Variants in RBFOX2 observed in about 807,000 individuals in gnomAD.
The protein encoded by RBFOX2 is RNA binding protein fox-1 homolog 2.
RBFOX2 carries 10 observed loss-of-function variants against 49.1 expected under a neutral mutation model. The ratio of observed to expected loss-of-function variants is 0.20; its 90% CI spans 0.13 to 0.35. RBFOX2 has a LOEUF of 0.35. Ranked by LOEUF, RBFOX2 falls within the 10% of genes least tolerant of loss-of-function variation. The pLI, the probability that RBFOX2 is intolerant of heterozygous loss-of-function variation, is 1.00. For missense variants in RBFOX2, 323 were observed against 486.9 expected (o/e 0.66, Z 3.17); for synonymous variants, 183 against 187.4 (o/e 0.98, Z 0.19).
At chr22:35,859,167 T>TA (rs2042854107) in intron 1 of RBFOX2, among the ~76,000 whole-genome samples, 1 of 152,142 alleles carries the variant, frequency 6.6e-6, no homozygotes. Flanking sequence ...ATTGCTACTA[T>TA]AGCCACCACC....
At chr22:35,885,843 A>ATT (rs538674450) in intron 1 of RBFOX2, among the ~76,000 whole-genome samples, 2,287 of 83,218 alleles carry the variant, frequency 0.027, 342 homozygotes, top group East Asian at 0.058. Context: ...CCCAAACCTA[A>ATT]TTTTTTTTTT....
At chr22:35,955,976 C>T (rs2055506879) in intron 1 of RBFOX2, among the ~76,000 whole-genome samples, 1 of 152,140 alleles carries the variant, frequency 6.6e-6, no homozygotes, top group South Asian at 2.1e-4. Context: ...AATACTGTAC[C>T]AAAGGTTAGT....
chr22:35,891,029 T>C (rs746705840), intron 1 of RBFOX2, among the ~76,000 whole-genome samples: 2 of 152,188 alleles, frequency 1.3e-5, no homozygotes, highest in Non-Finnish European at 2.9e-5. Context: ...CACTTATGTA[T>C]GTTAATTGAA....
At chr22:35,881,509 G>T (rs987984385) in intron 1 of RBFOX2, among the ~76,000 whole-genome samples, 1 of 151,052 alleles carries the variant, frequency 6.6e-6, no homozygotes, top group Non-Finnish European at 1.5e-5. Flanking sequence ...TTGAATCCAG[G>T]AGATTGAGAC....
intron 1 of RBFOX2, among the ~76,000 whole-genome samples, chr22:35,988,824 A>G (rs556862248): frequency 1.3e-4 from 20 of 152,352 alleles, no homozygotes; most frequent in African/African-American, 4.6e-4. Flanking sequence ...AAGAGGCTAT[A>G]ACAGTAGCTT....
chr22:35,769,380 A>C (rs1941995591), intron 4 of RBFOX2, among the ~76,000 whole-genome samples: 1 of 152,130 alleles, frequency 6.6e-6, no homozygotes, highest in South Asian at 2.1e-4. Flanking sequence ...TAAGTAGACA[A>C]ATCAGGAGAC....
At chr22:35,815,996 A>AT (rs1325176043) in intron 1 of RBFOX2, among the ~76,000 whole-genome samples, 7 of 152,338 alleles carry the variant, frequency 4.6e-5, no homozygotes, top group African/African-American at 1.7e-4. Context: ...CAAGAGGAAA[A>AT]TAACAGCTAT....
At chr22:35,977,260 A>G (rs566652459) in intron 1 of RBFOX2, among the ~76,000 whole-genome samples, 1 of 152,258 alleles carries the variant, frequency 6.6e-6, no homozygotes, top group South Asian at 2.1e-4. Context: ...CCACTTTGGG[A>G]AACAGTTTGG....
chr22:35,977,733 T>G (rs868213803), intron 1 of RBFOX2, among the ~76,000 whole-genome samples: 1,383 of 104,106 alleles, frequency 0.013, 67 homozygotes, highest in African/African-American at 0.041. Flanking sequence ...TATATATATA[T>G]ATATATATAT....
At chr22:35,847,870 C>A (rs2041416202) in intron 1 of RBFOX2, among the ~76,000 whole-genome samples, 1 of 152,026 alleles carries the variant, frequency 6.6e-6, no homozygotes, top group South Asian at 2.1e-4. Flanking sequence ...GTGGAAAATT[C>A]ATCTTATTAT....
intron 4 of RBFOX2, among the ~76,000 whole-genome samples, chr22:35,771,010 T>C (rs1942517486): frequency 6.6e-6 from 1 of 152,184 alleles, no homozygotes; most frequent in Non-Finnish European, 1.5e-5. Flanking sequence ...GTTTTGGGAC[T>C]CTTTAATATG....
At chr22:35,860,197 TCA>T (rs2149076710) in intron 1 of RBFOX2, among the ~76,000 whole-genome samples, 1 of 152,234 alleles carries the variant, frequency 6.6e-6, no homozygotes, top group Non-Finnish European at 1.5e-5. Context: ...TTAGCAAATA[TCA>T]CACAAGCAGA....
At chr22:36,027,623 C>G (rs887771386) in intron 1 of RBFOX2, among the ~76,000 whole-genome samples, 1 of 152,216 alleles carries the variant, frequency 6.6e-6, no homozygotes, top group Admixed American at 6.5e-5. Context: ...TCCCTTCAGA[C>G]TCATTAGTAT....
intron 2 of RBFOX2, among the ~76,000 whole-genome samples, chr22:35,795,304 C>T (rs541035380): frequency 3.3e-5 from 5 of 152,194 alleles, no homozygotes; most frequent in Non-Finnish European, 5.9e-5. Context: ...TAAATTCCTC[C>T]GTAGTCCAAG....
intron 1 of RBFOX2, among the ~76,000 whole-genome samples, chr22:35,849,330 C>CACACACAG (rs2041632023): frequency 6.7e-6 from 1 of 150,200 alleles, no homozygotes; most frequent in African/African-American, 2.5e-5. Context: ...CACACACACA[C>CACACACAG]ACAGACACAC....
At chr22:35,891,709 G>T (rs1213904948) in intron 1 of RBFOX2, among the ~76,000 whole-genome samples, 3 of 152,036 alleles carry the variant, frequency 2.0e-5, no homozygotes, top group Middle Eastern at 3.2e-3. Context: ...TATGTTTATT[G>T]GATATAAATT....
chr22:35,989,868 TC>T (rs1297792035), intron 1 of RBFOX2, among the ~76,000 whole-genome samples: 1 of 151,972 alleles, frequency 6.6e-6, no homozygotes, highest in Non-Finnish European at 1.5e-5. Context: ...CTGTGGCAAA[TC>T]CCCAAGAGGT....
rs546508234 is a variant in RBFOX2 at position 35,846,998 on chromosome 22, G to A, written c.-33-36994C>T. ...AGACAATACCCTTAACTTGCAACAA[G>A]TTACATTTTAACCATCTGATCAGAG... On this transcript the variant is annotated intron_variant, in intron 1 of 13. Transcript: ENST00000359369. Among the ~76,000 whole-genome samples, 7 of 152,280 alleles carry A rather than the reference G, an allele frequency of 4.6e-5. No homozygotes were observed. The East Asian group carries it at 1.4e-3, about 29-fold the overall frequency.
At chr22:35,846,323 T>C (rs1360989365) in intron 1 of RBFOX2, among the ~76,000 whole-genome samples, 2 of 119,892 alleles carry the variant, frequency 1.7e-5, no homozygotes, top group African/African-American at 6.2e-5. Flanking sequence ...TAAATAAATT[T>C]ATATAGTTGT....
Sources: allele counts gnomAD v4.1 joint callset (sites outside exome capture counted in the v4.1 genomes callset), GRCh38; gene constraint gnomAD v4.1.1; transcripts MANE v1.5; gene names NCBI Gene and HGNC (gene_info 2026-07-23, HGNC 2026-07-21).